The following TAFA1 variants were observed in gnomAD, a reference collection of about 807,000 sequenced individuals.
The protein encoded by TAFA1 is TAFA chemokine like family member 1, also known as chemokine-like protein TAFA-1.
A neutral mutation model predicts 18.5 loss-of-function variants in TAFA1; 4 were observed. The ratio of observed to expected loss-of-function variants is 0.22; its 90% CI spans 0.11 to 0.49. TAFA1 has a LOEUF of 0.49. Ranked by LOEUF, TAFA1 falls within the 20% of genes least tolerant of loss-of-function variation. The pLI is 0.98. For synonymous variants in TAFA1, 56 were observed against 55.2 expected, an observed-to-expected ratio of 1.01 and a Z score of -0.06; for missense variants, 147 against 169.0, an observed-to-expected ratio of 0.87 and a Z score of 0.72.
At position 68,183,543 on chromosome 3, in the gene TAFA1, G is replaced by T. The variant is rs141016203; in HGVS notation, c.118+176799G>T. The stretch of plus-strand genomic sequence containing the variant: ...TTGGAACTATTATGATCAGAAGACT[G>T]TTGGATCCTGTATATCTTTTCTTAT... On this transcript the variant is annotated intron_variant, in intron 2 of 4. Transcript: ENST00000478136. Among the ~76,000 whole-genome samples the T allele has an allele frequency of 1.3e-5, 2 of 152,122 alleles. 1 individual carries two copies. The highest frequency in any genetic ancestry group is 4.1e-4 in the South Asian group (2 of 4,832).
intron 2 of TAFA1, among the ~76,000 whole-genome samples, chr3:68,341,939 G>A (rs1024909005): frequency 2.0e-5 from 3 of 152,200 alleles, no homozygotes; most frequent in Non-Finnish European, 4.4e-5. Flanking sequence ...GAGTACCAAG[G>A]TGGTTTTGGA....
chr3:68,150,855 A>G (rs76550090), intron 2 of TAFA1, among the ~76,000 whole-genome samples: 1 of 152,160 alleles, frequency 6.6e-6, no homozygotes, highest in African/African-American at 2.4e-5. Flanking sequence ...ATAAGAAATA[A>G]CAGTAATAGC....
At chr3:68,350,171 G>A (rs73101110) in intron 2 of TAFA1, among the ~76,000 whole-genome samples, 8 of 152,220 alleles carry the variant, frequency 5.3e-5, no homozygotes, top group Non-Finnish European at 8.8e-5. Flanking sequence ...GGTACTCAGC[G>A]CCTCAATCGG....
upstream of TAFA1, among the ~76,000 whole-genome samples, chr3:68,000,923 T>C (rs190828442): frequency 6.8e-4 from 103 of 150,968 alleles, no homozygotes; most frequent in African/African-American, 2.4e-3. Flanking sequence ...CGTTGTTGAA[T>C]GGCCATTGGA....
At chr3:67,995,141 C>T in the TAFA1 span, among the ~76,000 whole-genome samples, 31 of 152,210 alleles carry the variant, frequency 2.0e-4, no homozygotes, top group Admixed American at 2.0e-3. Flanking sequence ...CTACCTTGGG[C>T]TAACCTTAAA....
chr3:68,170,079 A>G (rs375477010), intron 2 of TAFA1, among the ~76,000 whole-genome samples: 1 of 152,360 alleles, frequency 6.6e-6, no homozygotes. Flanking sequence ...TCTAAGGAGC[A>G]CTTATTCAGA....
chr3:68,245,758 A>G (rs1312831746), intron 2 of TAFA1, among the ~76,000 whole-genome samples: 1 of 152,240 alleles, frequency 6.6e-6, no homozygotes, highest in Non-Finnish European at 1.5e-5. Context: ...AAACCTGCCC[A>G]TCCTGCAAGT....
At chr3:68,388,230 G>A (rs1056476147) in intron 2 of TAFA1, among the ~76,000 whole-genome samples, 3 of 152,006 alleles carry the variant, frequency 2.0e-5, no homozygotes, top group East Asian at 1.9e-4. Context: ...GAGTGAACAC[G>A]TTAGTATCAC....
intron 2 of TAFA1, among the ~76,000 whole-genome samples, chr3:68,177,470 T>A (rs1451720363): frequency 1.3e-5 from 2 of 152,192 alleles, no homozygotes; most frequent in African/African-American, 4.8e-5. Flanking sequence ...GAGAGAAACT[T>A]GTCATCCTGA....
At chr3:68,494,046 T>C (rs1195003331) in intron 3 of TAFA1, among the ~76,000 whole-genome samples, 2 of 152,218 alleles carry the variant, frequency 1.3e-5, no homozygotes, top group African/African-American at 4.8e-5. Flanking sequence ...GGACTAATGA[T>C]ATCAATTTCC....
At chr3:68,169,907 G>C (rs995727789) in intron 2 of TAFA1, among the ~76,000 whole-genome samples, 1 of 152,166 alleles carries the variant, frequency 6.6e-6, no homozygotes, top group Non-Finnish European at 1.5e-5. Context: ...AAGAGGTAGA[G>C]AGATATTGGC....
At chr3:67,999,287 C>CTGTGTGTGTGTGTGTGTG (rs796820506), upstream of TAFA1, among the ~76,000 whole-genome samples, 5,944 of 147,674 alleles carry the variant, frequency 0.04, 150 homozygotes, top group African/African-American at 0.066. Context: ...CCCCCTCTCT[C>CTGTGTGTGTGTGTGTGTG]TGTGTGTGTG....
In TAFA1 at chr3:68,405,681, T is replaced by A. The variant is rs142341338; in HGVS notation, c.119-11599T>A. On this transcript the variant is annotated intron_variant, in intron 2 of 4. Coordinates refer to ENST00000478136, the MANE Select transcript of TAFA1 (RefSeq NM_213609.4). The stretch of plus-strand genomic sequence containing the variant: ...TGCTACTGCACTCCAACCTAGGCAA[T>A]GGAGTGAGACTCTATCTCAAAAAAA... 4.2e-3 allele frequency among the ~76,000 whole-genome samples: 458 copies of A among 107,822 alleles called. 1 individual carries two copies. Among genetic ancestry groups the A allele is most frequent in the African/African-American group, 0.015 (420 of 28,056 alleles). 70.7% of individuals were successfully genotyped at this position (107,822 alleles called of 152,430 possible). A position where few individuals can be genotyped will look rare whatever the true frequency, so the allele number is the denominator to read the frequency against.
intron 2 of TAFA1, among the ~76,000 whole-genome samples, chr3:68,146,171 G>A (rs536856571): frequency 8.5e-5 from 13 of 152,298 alleles, no homozygotes; most frequent in African/African-American, 1.7e-4. Flanking sequence ...TTTAACATGC[G>A]TATGACTGCC....
intron 3 of TAFA1, among the ~76,000 whole-genome samples, chr3:68,449,057 A>G (rs1347742293): frequency 6.6e-6 from 1 of 152,180 alleles, no homozygotes; most frequent in Non-Finnish European, 1.5e-5. Flanking sequence ...TTTCCATGCT[A>G]AGGTACAAAT....
At chr3:68,452,859 T>C (rs1475582884) in intron 3 of TAFA1, among the ~76,000 whole-genome samples, 1 of 152,226 alleles carries the variant, frequency 6.6e-6, no homozygotes, top group Non-Finnish European at 1.5e-5. Flanking sequence ...GCATTTTTAC[T>C]GAAAGTACCC....
At chr3:68,542,759 A>G (rs1460984927) in intron 4 of TAFA1, among the ~76,000 whole-genome samples, 1 of 152,126 alleles carries the variant, frequency 6.6e-6, no homozygotes, top group Non-Finnish European at 1.5e-5. Flanking sequence ...GTTAAGAGAC[A>G]AATGGTGGTT....
intron 2 of TAFA1, among the ~76,000 whole-genome samples, chr3:68,277,305 A>G (rs1351434997): frequency 6.6e-6 from 1 of 152,200 alleles, no homozygotes; most frequent in Non-Finnish European, 1.5e-5. Context: ...TCTCATTTGC[A>G]TAAGAAATTT....
chr3:68,542,540 G>C (rs1278383720), intron 4 of TAFA1, among the ~76,000 whole-genome samples: 7 of 152,050 alleles, frequency 4.6e-5, no homozygotes, highest in Admixed American at 4.6e-4. Flanking sequence ...GCTTAATTTA[G>C]AAAGACAGAC....
Sources: gnomAD v4.1 joint callset for allele counts (sites outside exome capture counted in the v4.1 genomes callset) on GRCh38, gnomAD v4.1.1 for gene constraint, MANE v1.5 for transcripts, NCBI Gene and HGNC (gene_info 2026-07-23, HGNC 2026-07-21) for gene names.